Variants in ANKRD6 observed in about 807,000 individuals in gnomAD.
The protein encoded by ANKRD6 is ankyrin repeat domain-containing protein 6.
A neutral mutation model predicts 82.3 loss-of-function variants in ANKRD6; 56 were observed. The ratio of observed to expected loss-of-function variants is 0.68; its 90% CI spans 0.55 to 0.85. The LOEUF (loss-of-function observed/expected upper bound fraction) is 0.85, where lower values mean the gene tolerates loss of function less well. ANKRD6 is among the 40% of genes least tolerant of loss of function. ANKRD6 has a pLI of 0.00. For missense variants in ANKRD6, 852 were observed against 907.6 expected (o/e 0.94, Z 0.79); for synonymous variants, 347 against 352.1 (o/e 0.99, Z 0.16).
At chr6:89,475,748 G>T (rs1775966241) in intron 1 of ANKRD6, among the ~76,000 whole-genome samples, 2 of 152,194 alleles carry the variant, frequency 1.3e-5, no homozygotes, top group Admixed American at 1.3e-4. Flanking sequence ...CAGATTCCCA[G>T]ATGTGGAAAT....
intron 1 of ANKRD6, among the ~76,000 whole-genome samples, chr6:89,453,901 A>G (rs897290078): frequency 1.3e-5 from 2 of 151,968 alleles, no homozygotes; most frequent in African/African-American, 2.4e-5. Flanking sequence ...TCATGGGTTC[A>G]CGCCATTCTC....
chr6:89,608,368 C>CACACACACACACACACTATATATATA, intron 5 of ANKRD6, among the ~76,000 whole-genome samples: 13 of 130,812 alleles, frequency 9.9e-5, no homozygotes, highest in Middle Eastern at 3.8e-3. Flanking sequence ...CACACACACA[C>CACACACACACACACACTATATATATA]TATATATATA....
chr6:89,521,963 C>T (rs919302222), intron 1 of ANKRD6, among the ~76,000 whole-genome samples: 6 of 152,078 alleles, frequency 3.9e-5, no homozygotes, highest in African/African-American at 1.5e-4. Context: ...ATTTTATAAC[C>T]TATACTTTGA....
In ANKRD6 at chr6:89,433,743, G is replaced by T. The variant is rs900901043; in HGVS notation, c.-144+368G>T. On this transcript the variant is annotated intron_variant, in intron 1 of 15. Coordinates refer to ENST00000339746, the MANE Select transcript of ANKRD6 (RefSeq NM_001242809.2). This position sits in a 1 kb window ranked among gnomAD's most constrained non-coding sequence, Gnocchi z 4.3. Reference sequence around the variant, plus strand: ...CGGGGGTCCGAGTACCCCGCGGTCTGCGGCGCGTAGGAGGGTAGGTCCCTG... The same window carrying T: ...CGGGGGTCCGAGTACCCCGCGGTCTTCGGCGCGTAGGAGGGTAGGTCCCTG... 1.3e-5 allele frequency among the ~76,000 whole-genome samples: 2 copies of T among 152,140 alleles called. No individual in the cohort carries two copies. Among genetic ancestry groups the T allele is most frequent in the Non-Finnish European group, 2.9e-5 (2 of 68,000 alleles).
intron 2 of ANKRD6, among the ~76,000 whole-genome samples, chr6:89,595,395 C>A (rs1795678004): frequency 6.6e-6 from 1 of 151,744 alleles, no homozygotes; most frequent in South Asian, 2.1e-4. Flanking sequence ...CGCTGCACTG[C>A]AGTCTGGGTG....
chr6:89,624,190 A>G lies in ANKRD6; in HGVS notation c.1218+133A>G, dbSNP rs543965064. The G allele has an allele frequency of 5.3e-5, 56 of 1,064,108 alleles. No individual in the cohort carries two copies. In the East Asian group the frequency reaches 1.1e-3, roughly 20 times the overall value. 65.9% of individuals were successfully genotyped at this position (1,064,108 alleles called of 1,614,324 possible). ...AGCACAAGCTTTGAAGGTAAGCCAG[A>G]TGGCCTCCCCACCTGCACGGTGCAG... is the stretch of plus-strand genomic sequence containing the variant. On this transcript the variant is annotated intron_variant, in intron 12 of 15. Coordinates refer to ENST00000339746, the MANE Select transcript of ANKRD6 (RefSeq NM_001242809.2).
intron 8 of ANKRD6, among the ~76,000 whole-genome samples, chr6:89,617,688 G>A (rs1348619126): frequency 1.3e-5 from 2 of 152,202 alleles, no homozygotes; most frequent in Non-Finnish European, 2.9e-5. Context: ...GCCTCCTAAA[G>A]CACTTCTTGC....
intron 1 of ANKRD6, among the ~76,000 whole-genome samples, chr6:89,463,312 G>A (rs1353111296): frequency 6.6e-6 from 1 of 151,576 alleles, no homozygotes; most frequent in Non-Finnish European, 1.5e-5. Context: ...TTTATCGTAT[G>A]GATATACCAT....
chr6:89,495,536 A>G (rs1209734177), intron 1 of ANKRD6, among the ~76,000 whole-genome samples: 1 of 152,096 alleles, frequency 6.6e-6, no homozygotes, highest in Admixed American at 6.5e-5. Flanking sequence ...GTACTATATA[A>G]ATGGAATCAA....
At chr6:89,455,225 G>T (rs1423452630) in intron 1 of ANKRD6, among the ~76,000 whole-genome samples, 1 of 151,396 alleles carries the variant, frequency 6.6e-6, no homozygotes, top group Non-Finnish European at 1.5e-5. Flanking sequence ...AGAAATAGAT[G>T]AGACTGGGTA....
intron 1 of ANKRD6, among the ~76,000 whole-genome samples, chr6:89,465,686 C>A (rs1366398194): frequency 6.6e-6 from 1 of 151,842 alleles, no homozygotes; most frequent in Admixed American, 6.6e-5. Flanking sequence ...CATGGTGAGA[C>A]CCCATCTCTA....
In ANKRD6 at chr6:89,597,972, T is replaced by C. The variant is rs1796271687; in HGVS notation, c.219+1958T>C. On this transcript the variant is annotated intron_variant, in intron 3 of 15. Transcript: ENST00000339746. ...GAAGAAAACTCTTGATGTGTGTCCTTTAAAGAATCTAGGAGATCAGTTATT... is the reference window on the plus strand; with the variant it reads ...GAAGAAAACTCTTGATGTGTGTCCTCTAAAGAATCTAGGAGATCAGTTATT... 1.1e-5 allele frequency: 4 copies of C among 374,318 alleles called. No individual in the cohort carries two copies. The South Asian group carries it at 4.3e-4, about 40-fold the overall frequency. The allele number at this position is 374,318 out of a possible 1,614,324, so 23.2% of individuals were successfully genotyped here. A position where few individuals can be genotyped will look rare whatever the true frequency, so the allele number is the denominator to read the frequency against.
chr6:89,449,573 A>G (rs1772551504), intron 1 of ANKRD6, among the ~76,000 whole-genome samples: 1 of 152,192 alleles, frequency 6.6e-6, no homozygotes, highest in South Asian at 2.1e-4. Flanking sequence ...CCTGCAAATA[A>G]TTATTTCTTT....
intron 1 of ANKRD6, among the ~76,000 whole-genome samples, chr6:89,542,564 A>G (rs1034681672): frequency 1.3e-5 from 2 of 152,196 alleles, no homozygotes; most frequent in Non-Finnish European, 2.9e-5. Flanking sequence ...GTCCTTTGAC[A>G]TTACTAAAAG....
At chr6:89,565,676 G>A (rs921177744) in intron 1 of ANKRD6, among the ~76,000 whole-genome samples, 1 of 152,212 alleles carries the variant, frequency 6.6e-6, no homozygotes, top group Non-Finnish European at 1.5e-5. Context: ...TTTAGAGACT[G>A]AAAGGACATT....
At chr6:89,521,104 C>T (rs2127967769) in intron 1 of ANKRD6, among the ~76,000 whole-genome samples, 1 of 152,278 alleles carries the variant, frequency 6.6e-6, no homozygotes, top group South Asian at 2.1e-4. Flanking sequence ...CCCTGTTAGT[C>T]ACAGCTTCAT....
intron 2 of ANKRD6, among the ~76,000 whole-genome samples, chr6:89,574,474 T>A (rs1022115835): frequency 6.6e-6 from 1 of 152,202 alleles, no homozygotes; most frequent in Non-Finnish European, 1.5e-5. Context: ...GTTGCCATAG[T>A]TATAAAATCT....
chr6:89,568,485 T>C (rs780786512), intron 2 of ANKRD6, among the ~76,000 whole-genome samples: 43 of 152,216 alleles, frequency 2.8e-4, no homozygotes, highest in Non-Finnish European at 4.4e-4. Context: ...TTCACCTATT[T>C]TAATTGTACA....
rs144306337 is a variant in ANKRD6 at position 89,617,786 on chromosome 6, A to G, written c.715-168A>G. ...CCCACCTCCCTCACTGGAGGGTCTG[A>G]GGCTGATGACCAGGGCCATATCACA... On this transcript the variant is annotated intron_variant, in intron 8 of 15. Coordinates refer to ENST00000339746, the MANE Select transcript of ANKRD6 (RefSeq NM_001242809.2). Among the ~76,000 whole-genome samples, 441 of 152,312 alleles carry G rather than the reference A, an allele frequency of 2.9e-3. 3 individuals are homozygous for G. The highest frequency in any genetic ancestry group is 0.01 in the Middle Eastern group (3 of 294).
Sources: gnomAD v4.1 joint callset for allele counts (sites outside exome capture counted in the v4.1 genomes callset) on GRCh38, gnomAD v4.1.1 for gene constraint, Gnocchi (gnomAD v3.1) non-coding constraint, MANE v1.5 for transcripts, NCBI Gene and HGNC (gene_info 2026-07-23, HGNC 2026-07-21) for gene names.